Variants in GRID2 observed in about 807,000 individuals in gnomAD.
The protein encoded by GRID2 is glutamate ionotropic receptor delta type subunit 2.
In GRID2, 33 loss-of-function variants were observed where a neutral mutation model predicts 114.8. The observed-to-expected ratio is 0.29, with a 90% CI of 0.22 to 0.38. The LOEUF is 0.38. Among genes scored for constraint, GRID2 ranks in the 10% least tolerant of loss-of-function variants. The probability of loss-of-function intolerance (pLI) is 1.00; values close to 1 mark genes in which losing one functional copy is unlikely to be tolerated. For missense variants in GRID2, 1,184 were observed against 1,257.7 expected, an observed-to-expected ratio of 0.94 and a Z score of 0.89; for synonymous variants, 505 against 449.9, an observed-to-expected ratio of 1.12 and a Z score of -1.55.
chr4:93,655,396 A>G (rs1341358380), intron 14 of GRID2, among the ~76,000 whole-genome samples: 1 of 152,142 alleles, frequency 6.6e-6, no homozygotes, highest in Admixed American at 6.5e-5. Context: ...ATATTTTCCT[A>G]AAGTAATATT....
chr4:93,011,162 G>GT (rs908780368), intron 2 of GRID2, among the ~76,000 whole-genome samples: 31 of 148,146 alleles, frequency 2.1e-4, no homozygotes, highest in Non-Finnish European at 2.8e-4. Context: ...CTTGGTTGCT[G>GT]TTTTTTTTAA....
At chr4:93,217,032 G>T in intron 6 of GRID2, 121 bp downstream of exon 6, 1 of 644,158 alleles carries the variant, frequency 1.6e-6, no homozygotes, top group East Asian at 2.6e-5. Flanking sequence ...TTCTCCTCCA[G>T]CAATTTCATA....
At chr4:92,421,039 A>G (rs886959998) in intron 1 of GRID2, among the ~76,000 whole-genome samples, 8 of 151,816 alleles carry the variant, frequency 5.3e-5, no homozygotes, top group African/African-American at 1.7e-4. Flanking sequence ...ACACAACTTA[A>G]AAGGTAAATG....
chr4:93,506,346 C>T (rs1264798115), intron 12 of GRID2, among the ~76,000 whole-genome samples: 3 of 152,144 alleles, frequency 2.0e-5, no homozygotes, highest in African/African-American at 7.2e-5. Flanking sequence ...TCTAATCTAC[C>T]ACAGGAGGAC....
chr4:93,198,333 G>T (rs1308301446), intron 4 of GRID2, among the ~76,000 whole-genome samples: 3 of 152,074 alleles, frequency 2.0e-5, no homozygotes, highest in African/African-American at 7.2e-5. Context: ...GACTCATGGG[G>T]GAGCAATAAT....
At chr4:93,063,779 T>G (rs1312091632) in intron 2 of GRID2, among the ~76,000 whole-genome samples, 2 of 151,836 alleles carry the variant, frequency 1.3e-5, no homozygotes, top group Non-Finnish European at 2.9e-5. Flanking sequence ...ATCTCCTTTT[T>G]GCAGACAAAT....
intron 2 of GRID2, among the ~76,000 whole-genome samples, chr4:92,632,801 A>G (rs1183159632): frequency 6.6e-6 from 1 of 152,150 alleles, no homozygotes; most frequent in Non-Finnish European, 1.5e-5. Flanking sequence ...GACCATGACT[A>G]CAAATTATAC....
At chr4:92,773,580 TTAATA>T (rs1450980456) in intron 2 of GRID2, among the ~76,000 whole-genome samples, 9 of 152,012 alleles carry the variant, frequency 5.9e-5, no homozygotes, top group Non-Finnish European at 2.9e-5. Flanking sequence ...TATATCTAAT[TTAATA>T]TATCACAAAT....
chr4:92,573,895 T>A (rs976389151), intron 1 of GRID2, among the ~76,000 whole-genome samples: 17 of 151,722 alleles, frequency 1.1e-4, no homozygotes, highest in African/African-American at 3.6e-4. Flanking sequence ...GATCTAGTAT[T>A]TTCAGTGGGG....
chr4:92,681,337 AC>A (rs2149284500), intron 2 of GRID2, among the ~76,000 whole-genome samples: 1 of 152,160 alleles, frequency 6.6e-6, no homozygotes, highest in South Asian at 2.1e-4. Context: ...TGGATCATGA[AC>A]CTATGCACTG....
At chr4:93,364,629 A>G (rs1171567047) in intron 8 of GRID2, among the ~76,000 whole-genome samples, 2 of 151,950 alleles carry the variant, frequency 1.3e-5, no homozygotes, top group African/African-American at 4.8e-5. Flanking sequence ...GTCAAATGCC[A>G]CCACATTTGA....
chr4:93,094,374 A>G (rs929339007), intron 3 of GRID2, among the ~76,000 whole-genome samples: 1 of 152,092 alleles, frequency 6.6e-6, no homozygotes, highest in Non-Finnish European at 1.5e-5. Context: ...AATACATTTT[A>G]TATGCATATG....
At chr4:93,809,441 C>T (rs1161965017) in exon 2 of GRID2, 4 of 152,104 alleles carry the variant, frequency 2.6e-5, no homozygotes, top group African/African-American at 9.7e-5. Context: ...AAAACTAAGG[C>T]CGTATTAGCA....
chr4:92,886,046 A>G (rs1227888040), intron 2 of GRID2, among the ~76,000 whole-genome samples: 1 of 152,106 alleles, frequency 6.6e-6, no homozygotes, highest in Non-Finnish European at 1.5e-5. Flanking sequence ...ATTTTGGTTT[A>G]TTTTTAATAA....
intron 2 of GRID2, among the ~76,000 whole-genome samples, chr4:92,792,456 A>AACACACACACACACACACAC (rs35204445): frequency 5.1e-5 from 7 of 136,116 alleles, no homozygotes; most frequent in African/African-American, 1.9e-4. Flanking sequence ...CAGGCAAGAG[A>AACACACACACACACACACAC]ACACACACAC....
chr4:92,811,527 C>T (rs1393802684), intron 2 of GRID2, among the ~76,000 whole-genome samples: 1 of 151,942 alleles, frequency 6.6e-6, no homozygotes, highest in African/African-American at 2.4e-5. Flanking sequence ...TCATTAACCC[C>T]CAAATTTACC....
intron 13 of GRID2, among the ~76,000 whole-genome samples, chr4:93,619,442 G>A (rs757175934): frequency 1.2e-4 from 18 of 152,268 alleles, no homozygotes; most frequent in Admixed American, 2.0e-4. Flanking sequence ...AACTCTTTGC[G>A]CCTGTGATTC....
chr4:93,606,651 T>A (rs1210014868), intron 13 of GRID2, among the ~76,000 whole-genome samples: 1 of 152,218 alleles, frequency 6.6e-6, no homozygotes, highest in Non-Finnish European at 1.5e-5. Context: ...TTTATGTGTA[T>A]TGGGTTTCTT....
intron 14 of GRID2, among the ~76,000 whole-genome samples, chr4:93,765,487 C>T (rs1733575877): frequency 6.6e-6 from 1 of 151,900 alleles, no homozygotes; most frequent in South Asian, 2.1e-4. Flanking sequence ...GAGGGTGCTT[C>T]CTTCTTTCCC....
Sources: gnomAD v4.1 joint callset for allele counts (sites outside exome capture counted in the v4.1 genomes callset) on GRCh38, gnomAD v4.1.1 for gene constraint, MANE v1.5 for transcripts, NCBI Gene and HGNC (gene_info 2026-07-23, HGNC 2026-07-21) for gene names.